Variants in PARG observed in about 807,000 individuals in gnomAD.
PARG encodes the protein poly(ADP-ribose) glycohydrolase.
PARG carries 35 observed loss-of-function variants against 113.0 expected under a neutral mutation model. The ratio of observed to expected loss-of-function variants is 0.31; its 90% confidence interval spans 0.24 to 0.41. The LOEUF (loss-of-function observed/expected upper bound fraction) is 0.41. Ranked by LOEUF, PARG falls within the 10% of genes least tolerant of loss-of-function variation. The pLI, the probability that PARG is intolerant of heterozygous loss-of-function variation, is 1.00. For missense variants in PARG, 797 were observed against 1,169.4 expected (o/e 0.68, Z 4.64); for synonymous variants, 330 against 409.9 (o/e 0.81, Z 2.36).
Position 49,933,691 on chromosome 10 carries a change from C to A in PARG, c.757G>T (p.Asp253Tyr). Residue 253 changes from aspartate to tyrosine, a missense_variant, in exon 3 of 18, where the codon GAT (aspartate) becomes TAT (tyrosine). Transcript: ENST00000616448. ...PGEDCASCQQ[D>Y]EIDVVPESPL... ...CTCTCTGGCACCACATCTATCTCAT[C>A]TTGCTGACAACTTGCACAGTCTTCC... 1 of 1,611,816 alleles carries A rather than the reference C, an allele frequency of 6.2e-7. No homozygotes were observed. Among genetic ancestry groups the A allele is most frequent in the Non-Finnish European group, 8.5e-7 (1 of 1,177,912 alleles).
intron 11 of PARG, among the ~76,000 whole-genome samples, chr10:49,864,908 T>C (rs1432904081): frequency 4.9e-5 from 7 of 141,448 alleles, no homozygotes; most frequent in Admixed American, 2.8e-4. Context: ...TTTACTAAAA[T>C]GTAAATAATA....
At chr10:49,922,475 A>G (rs1182907483) in intron 5 of PARG, 56 bp from the exon 6 acceptor site, 101 of 1,609,720 alleles carry the variant, frequency 6.3e-5, no homozygotes, top group Admixed American at 4.4e-4. Flanking sequence ...TTTGCATCAC[A>G]GAATCAAAGG....
At chr10:49,823,721 A>C (rs1844219840) in intron 16 of PARG, among the ~76,000 whole-genome samples, 1 of 152,188 alleles carries the variant, frequency 6.6e-6, no homozygotes, top group Admixed American at 6.5e-5. Context: ...ATTTAGCTTT[A>C]AGTATTTACT....
Position 49,933,300 on chromosome 10 carries a change from T to C in PARG, c.1148A>G (p.Asn383Ser), listed in dbSNP as rs1838578719. 1.4e-5 allele frequency: 22 copies of C among 1,609,812 alleles called. No individual in the cohort carries two copies. Residue 383 changes from asparagine (N) to serine (S), a missense_variant, in exon 3 of 18, where the codon AAT becomes AGT. Asn to Ser is a conservative substitution (Grantham distance 46, BLOSUM62 1). Transcript: ENST00000616448. ...AGAAATATTTCCAGGTAGTTTAGCA[T>C]TTAAATCATTCATTCCAGTGCGACT... ...GESRTGMNDL[N>S]AKLPGNISSL...
chr10:49,822,667 C>T (rs782761089), intron 16 of PARG, among the ~76,000 whole-genome samples: 1 of 152,144 alleles, frequency 6.6e-6, no homozygotes, highest in Non-Finnish European at 1.5e-5. Flanking sequence ...TGTTTTCCTA[C>T]AGATTGCTTA....
intron 7 of PARG, among the ~76,000 whole-genome samples, chr10:49,888,691 T>C (rs1444448234): frequency 6.6e-6 from 1 of 152,190 alleles, no homozygotes; most frequent in Non-Finnish European, 1.5e-5. Context: ...TAGTATGTCT[T>C]GGTATGAATT....
chr10:49,819,127 C>A lies in PARG; in HGVS notation c.*213G>T. Reference sequence around the variant, plus strand: ...AAACTGAAATAGAAGAAAATAGAAACAAAACATATCTAAGTCCACGTGAGT... The same window carrying A: ...AAACTGAAATAGAAGAAAATAGAAAAAAAACATATCTAAGTCCACGTGAGT... On this transcript the variant is annotated 3_prime_UTR_variant, in exon 18 of 18. Transcript: ENST00000616448. 1 of 425,782 alleles carries A rather than the reference C, an allele frequency of 2.3e-6. No homozygotes were observed. The highest frequency in any genetic ancestry group is 4.2e-6 in the Non-Finnish European group (1 of 239,390). The allele number at this position is 425,782 out of a possible 1,614,324, so 26.4% of individuals were successfully genotyped here.
chr10:49,836,072 C>T (rs1844906569), intron 15 of PARG, among the ~76,000 whole-genome samples: 1 of 152,028 alleles, frequency 6.6e-6, no homozygotes, highest in Non-Finnish European at 1.5e-5. Flanking sequence ...GACATGTGCA[C>T]AGTGACTACT....
intron 15 of PARG, among the ~76,000 whole-genome samples, chr10:49,834,836 C>T (rs1170825132): frequency 6.6e-6 from 1 of 151,886 alleles, no homozygotes; most frequent in Admixed American, 6.6e-5. Flanking sequence ...AACTCTATCC[C>T]CCACCCCTGC....
intron 10 of PARG, among the ~76,000 whole-genome samples, chr10:49,866,897 A>G (rs1554837004): frequency 3.9e-5 from 6 of 151,952 alleles, no homozygotes; most frequent in Non-Finnish European, 4.4e-5. Flanking sequence ...TTTAATTCAG[A>G]AGGCTTTTTA....
chr10:49,896,142 A>G (rs1848074569), intron 7 of PARG, among the ~76,000 whole-genome samples: 3 of 152,236 alleles, frequency 2.0e-5, no homozygotes. Context: ...AAGAATGAAG[A>G]GCATGGGTGT....
At chr10:49,845,962 A>G (rs1845485903) in intron 13 of PARG, among the ~76,000 whole-genome samples, 1 of 151,522 alleles carries the variant, frequency 6.6e-6, no homozygotes, top group Non-Finnish European at 1.5e-5. Context: ...CTTTGATCAC[A>G]TCTATAAAAT....
intron 7 of PARG, among the ~76,000 whole-genome samples, chr10:49,902,469 T>C (rs1431797647): frequency 3.3e-5 from 5 of 152,142 alleles, no homozygotes; most frequent in African/African-American, 9.7e-5. Context: ...AAGAGGTAAA[T>C]GGGCCCCTGA....
chr10:49,928,283 AAGTC>A (rs1159724941), intron 4 of PARG, among the ~76,000 whole-genome samples: 29 of 152,144 alleles, frequency 1.9e-4, no homozygotes, highest in Admixed American at 7.2e-4. Context: ...AAAAAAAAAA[AAGTC>A]AGATGTGACA....
At chr10:49,928,364 A>T (rs1838322169) in intron 4 of PARG, among the ~76,000 whole-genome samples, 1 of 152,192 alleles carries the variant, frequency 6.6e-6, no homozygotes, top group Non-Finnish European at 1.5e-5. Context: ...TTTTATAAGG[A>T]TGTTCCATAT....
chr10:49,830,818 G>C (rs782185473), intron 16 of PARG, among the ~76,000 whole-genome samples: 3 of 152,016 alleles, frequency 2.0e-5, no homozygotes, highest in African/African-American at 7.2e-5. Context: ...TGAAGTATAC[G>C]TATTCTTTGA....
chr10:49,843,772 CAAAA>C (rs1845361496), intron 13 of PARG, 140 bp from the exon 14 acceptor site: 2 of 603,220 alleles, frequency 3.3e-6, no homozygotes, highest in Non-Finnish European at 3.0e-6. Context: ...AGAAAATAAA[CAAAA>C]AGGCATAAAG....
At position 49,857,365 on chromosome 10, in the gene PARG, A is replaced by G. The variant is rs1564616505; in HGVS notation, c.2294T>C (p.Leu765Ser). ...EEIRFLINPE[L>S]IISRLFTEVL... The stretch of plus-strand genomic sequence containing the variant: ...CTCAGTGAAGAGCCGTGAAATAATC[A>G]ACTCAGGATTGATTAAAAAGCGGAT... Residue 765 changes from leucine to serine, a missense_variant, in exon 13 of 18, where the codon TTG becomes TCG. Around this residue, in one of 5 missense-constraint regions of PARG, gnomAD observed 40 missense variants for 124.5 expected, o/e 0.32. Transcript: ENST00000616448. 7.9e-7 allele frequency: 1 copy of G among 1,271,308 alleles called. No homozygotes were observed. Among genetic ancestry groups the G allele is most frequent in the East Asian group, 2.4e-5 (1 of 42,450 alleles). 78.8% of individuals were successfully genotyped at this position (1,271,308 alleles called of 1,614,324 possible).
At chr10:49,919,332 A>G (rs1554848536) in intron 6 of PARG, among the ~76,000 whole-genome samples, 3 of 152,222 alleles carry the variant, frequency 2.0e-5, no homozygotes, top group Admixed American at 6.5e-5. Flanking sequence ...AACCTAAGAT[A>G]GTGTTCATCA....
Sources: gnomAD v4.1 joint callset for allele counts (sites outside exome capture counted in the v4.1 genomes callset) on GRCh38, gnomAD v4.1.1 for gene constraint, gnomAD v4.1.1 regional missense constraint, MANE v1.5 for transcripts, NCBI Gene and HGNC (gene_info 2026-07-23, HGNC 2026-07-21) for gene names.